The following FLI1 variants were observed in gnomAD, a reference collection of about 807,000 sequenced individuals.
The protein encoded by FLI1 is Friend leukemia integration 1 transcription factor.
FLI1 carries 13 observed loss-of-function variants against 53.1 expected under a neutral mutation model. The ratio of observed to expected loss-of-function variants is 0.24; its 90% CI spans 0.16 to 0.39. FLI1 has a LOEUF of 0.39. Ranked by LOEUF, FLI1 falls within the 10% of genes least tolerant of loss-of-function variation. The pLI is 1.00. For missense variants in FLI1, 424 were observed against 600.5 expected (o/e 0.71, Z 3.07); for synonymous variants, 244 against 236.7 (o/e 1.03, Z -0.28).
chr11:128,700,143 C>T lies in FLI1; in HGVS notation c.18+5867C>T, dbSNP rs989149760. On this transcript the variant is annotated intron_variant, in intron 1 of 8. Transcript: ENST00000527786. Reference sequence around the variant, plus strand: ...ATGATAATAGTTGTTTATGTAGTCCCTTTCATAAATCTCTTCACAGATCAT... The same window carrying T: ...ATGATAATAGTTGTTTATGTAGTCCTTTTCATAAATCTCTTCACAGATCAT... 3.3e-5 allele frequency among the ~76,000 whole-genome samples: 5 copies of T among 152,184 alleles called. No homozygotes were observed. The South Asian group carries it at 1.0e-3, about 32-fold the overall frequency.
At chr11:128,727,760 C>T (rs934246605) in intron 1 of FLI1, among the ~76,000 whole-genome samples, 17 of 152,204 alleles carry the variant, frequency 1.1e-4, no homozygotes, top group African/African-American at 4.1e-4. Flanking sequence ...GAGATGCGTG[C>T]AACTGGCTCT....
intron 1 of FLI1, among the ~76,000 whole-genome samples, chr11:128,703,811 C>G (rs142594959): frequency 0.017 from 2,286 of 137,590 alleles, 65 homozygotes; most frequent in African/African-American, 0.06. Context: ...ACACTACACT[C>G]CAGCCTGGGT....
chr11:128,726,488 T>C (rs932547983), intron 1 of FLI1, among the ~76,000 whole-genome samples: 5 of 152,080 alleles, frequency 3.3e-5, no homozygotes, highest in African/African-American at 1.2e-4. Flanking sequence ...GAAGGAGAGT[T>C]CCTGGAGGGA....
chr11:128,792,013 C>A (rs1366498110), intron 5 of FLI1, among the ~76,000 whole-genome samples: 1 of 152,176 alleles, frequency 6.6e-6, no homozygotes. Flanking sequence ...CAGACAGCCA[C>A]AATAAGAGCT....
intron 6 of FLI1, chr11:128,805,681 T>G: frequency 2.1e-6 from 1 of 467,140 alleles, no homozygotes; most frequent in South Asian, 3.0e-5. Flanking sequence ...TTTGAAGGTT[T>G]TCTTGAGACA....
intron 1 of FLI1, among the ~76,000 whole-genome samples, chr11:128,717,730 T>G (rs1939079386): frequency 6.6e-6 from 1 of 152,206 alleles, no homozygotes. Flanking sequence ...GCACCTAGTT[T>G]GAACAGGTTT....
chr11:128,730,425 C>A (rs537511074), intron 1 of FLI1, among the ~76,000 whole-genome samples: 27 of 152,308 alleles, frequency 1.8e-4, no homozygotes, highest in African/African-American at 6.0e-4. Flanking sequence ...GGGTAAGGAG[C>A]AAATCGGTGC....
At chr11:128,756,880 A>G (rs192987728) in intron 1 of FLI1, among the ~76,000 whole-genome samples, 1 of 152,172 alleles carries the variant, frequency 6.6e-6, no homozygotes, top group Admixed American at 6.5e-5. Context: ...CGGAATGTGC[A>G]AAGTTTTTTA....
intron 1 of FLI1, among the ~76,000 whole-genome samples, chr11:128,726,778 G>A (rs1939503493): frequency 6.6e-6 from 1 of 152,212 alleles, no homozygotes; most frequent in Non-Finnish European, 1.5e-5. Context: ...AGAGGACACG[G>A]TTGTAAAAAC....
chr11:128,722,950 T>C (rs1196073671), intron 1 of FLI1, among the ~76,000 whole-genome samples: 1 of 152,108 alleles, frequency 6.6e-6, no homozygotes, highest in Non-Finnish European at 1.5e-5. Context: ...AATGCTTATC[T>C]CTCACAGTTC....
intron 1 of FLI1, among the ~76,000 whole-genome samples, chr11:128,714,855 C>T (rs966863049): frequency 2.0e-5 from 3 of 151,024 alleles, no homozygotes; most frequent in African/African-American, 7.4e-5. Context: ...ACTACAGGCA[C>T]GCACCACCAC....
At chr11:128,769,769 C>A (rs1336531555) in intron 3 of FLI1, among the ~76,000 whole-genome samples, 4 of 152,216 alleles carry the variant, frequency 2.6e-5, no homozygotes, top group Non-Finnish European at 5.9e-5. Flanking sequence ...GTGCCAGGCA[C>A]CACGTAAATT....
intron 3 of FLI1, among the ~76,000 whole-genome samples, chr11:128,771,086 G>T (rs1213922822): frequency 1.3e-5 from 2 of 152,206 alleles, no homozygotes; most frequent in African/African-American, 4.8e-5. Flanking sequence ...TTGGGCAAAG[G>T]ACTTAACCTT....
intron 2 of FLI1, chr11:128,764,938 T>A: frequency 8.6e-7 from 1 of 1,157,238 alleles, no homozygotes; most frequent in Non-Finnish European, 1.2e-6. Context: ...CAGGTCCTAG[T>A]GCAGAAGCCT....
At chr11:128,734,449 C>T (rs1218231982) in intron 1 of FLI1, among the ~76,000 whole-genome samples, 1 of 152,212 alleles carries the variant, frequency 6.6e-6, no homozygotes. Flanking sequence ...GAACATAATT[C>T]AACCTGTTTA....
At position 128,729,272 on chromosome 11, in the gene FLI1, G is replaced by A. The variant is rs911264898; in HGVS notation, c.19-28843G>A. Among the ~76,000 whole-genome samples the A allele has an allele frequency of 4.6e-5, 7 of 152,328 alleles. No homozygotes were observed. In the South Asian group the frequency reaches 6.2e-4, roughly 14 times the overall value. Reference sequence around the variant, plus strand: ...CTTATTATATTTATCAACCATGTTCGCATTTCAAGTGCCCTGATTTATCTC... The same window carrying A: ...CTTATTATATTTATCAACCATGTTCACATTTCAAGTGCCCTGATTTATCTC... On this transcript the variant is annotated intron_variant, in intron 1 of 8. Coordinates refer to ENST00000527786, the MANE Select transcript of FLI1 (RefSeq NM_002017.5).
rs1315846504 is a variant in FLI1 at position 128,792,634 on chromosome 11, G to A, written c.655+10611G>A. 2.0e-5 allele frequency among the ~76,000 whole-genome samples: 3 copies of A among 151,720 alleles called. 1 individual carries two copies. Among genetic ancestry groups the A allele is most frequent in the South Asian group, 4.2e-4 (2 of 4,810 alleles). ...AGACATCTTCTAGTGAAAGACCAAC[G>A]TATAGGAAGCATCATTTGTGGTGGT... On this transcript the variant is annotated intron_variant, in intron 5 of 8. Transcript: ENST00000527786.
At chr11:128,732,177 G>GA (rs1459665045) in intron 1 of FLI1, among the ~76,000 whole-genome samples, 8 of 152,146 alleles carry the variant, frequency 5.3e-5, no homozygotes, top group Non-Finnish European at 7.4e-5. Context: ...GAAGAGGCCA[G>GA]AAAAAAATTC....
chr11:128,719,278 T>TAA (rs36139999), intron 1 of FLI1, among the ~76,000 whole-genome samples: 102 of 137,454 alleles, frequency 7.4e-4, no homozygotes, highest in East Asian at 3.4e-3. Flanking sequence ...TCAGTTAGAT[T>TAA]AAAAAAAAAA....
Sources: allele counts gnomAD v4.1 joint callset (sites outside exome capture counted in the v4.1 genomes callset), GRCh38; gene constraint gnomAD v4.1.1; transcripts MANE v1.5; gene names NCBI Gene and HGNC (gene_info 2026-07-23, HGNC 2026-07-21).